The following PNPLA7 variants were observed in gnomAD, a reference collection of about 807,000 sequenced individuals.
PNPLA7 encodes the protein patatin like domain 7, lysophospholipase.
In PNPLA7, 153 loss-of-function variants were observed where a neutral mutation model predicts 161.7. The ratio of observed to expected loss-of-function variants is 0.95; its 90% CI spans 0.83 to 1.08. The LOEUF (loss-of-function observed/expected upper bound fraction) is 1.08. PNPLA7 is among the 50% of genes least tolerant of loss of function. PNPLA7 has a pLI of 0.00. For missense variants in PNPLA7, 1,739 were observed against 1,856.6 expected (o/e 0.94, Z 1.16); for synonymous variants, 809 against 782.1 (o/e 1.03, Z -0.57).
intron 1 of PNPLA7, among the ~76,000 whole-genome samples, chr9:137,549,268 G>A (rs1386537956): frequency 6.6e-6 from 1 of 151,674 alleles, no homozygotes; most frequent in Non-Finnish European, 1.5e-5. Flanking sequence ...AGATCATGAG[G>A]TCAAGAGTTC....
rs536899903 is a variant in PNPLA7 at position 137,466,247 on chromosome 9, A to C, written c.3039+1070T>G. Among the ~76,000 whole-genome samples, 27 of 152,296 alleles carry C rather than the reference A, an allele frequency of 1.8e-4. No individual in the cohort carries two copies. In the South Asian group the frequency reaches 4.6e-3, roughly 26 times the overall value. ...GCCTCTTATTCCCAGGGGCTGTAAC[A>C]GTCAGCTTCTTTTCCACAATCCTGG... On this transcript the variant is annotated intron_variant, in intron 26 of 34. Transcript: ENST00000406427.
At chr9:137,519,796 C>T in intron 11 of PNPLA7, 121 bp downstream of exon 11, 1 of 1,340,162 alleles carries the variant, frequency 7.5e-7, no homozygotes, top group Non-Finnish European at 1.0e-6. Flanking sequence ...GTGAGGTGAC[C>T]CGGGGATGTG....
At chr9:137,466,216 C>T (rs1831454256) in intron 26 of PNPLA7, among the ~76,000 whole-genome samples, 1 of 152,216 alleles carries the variant, frequency 6.6e-6, no homozygotes, top group African/African-American at 2.4e-5. Context: ...CCCATGGAGG[C>T]TCCATGCCTC....
chr9:137,462,645 G>A (rs746090822), intron 30 of PNPLA7, 40 bp downstream of exon 30: 5 of 1,606,028 alleles, frequency 3.1e-6, no homozygotes, highest in Admixed American at 1.7e-5. Flanking sequence ...CTGCAGGGAG[G>A]AGCAGCAGGG....
rs375701021 is a variant in PNPLA7, at chr9:137,498,737, G to A, written c.1758-492C>T. Among the ~76,000 whole-genome samples the A allele has an allele frequency of 5.3e-4, 81 of 152,266 alleles. 1 individual carries two copies. The highest frequency in any genetic ancestry group is 3.4e-3 in the Middle Eastern group (1 of 294). ...ACCCGGGGAACACTGTTCTCTCCCC[G>A]GTGGTCGTGTGTGGACAGACTGTCG... On this transcript the variant is annotated intron_variant, in intron 16 of 34. Coordinates refer to ENST00000406427, the MANE Select transcript of PNPLA7 (RefSeq NM_001098537.3).
chr9:137,536,269 G>A (rs538566052), intron 8 of PNPLA7, among the ~76,000 whole-genome samples: 1 of 152,226 alleles, frequency 6.6e-6, no homozygotes, highest in African/African-American at 2.4e-5. Context: ...CCTGTCTCAG[G>A]AAGTGAATGG....
chr9:137,501,724 A>T lies in PNPLA7; in HGVS notation c.1477T>A (p.Ser493Thr). The T allele has an allele frequency of 2.5e-6, 4 of 1,612,460 alleles. No individual in the cohort carries two copies. Among genetic ancestry groups the T allele is most frequent in the Non-Finnish European group, 3.4e-6 (4 of 1,179,794 alleles). Residue 493 changes from serine to threonine, a missense_variant, in exon 15 of 35, where the codon TCA becomes ACA. By Grantham distance (58) the Ser-to-Thr change is moderately conservative. Coordinates refer to ENST00000406427, the MANE Select transcript of PNPLA7 (RefSeq NM_001098537.3). ...GCCACCCGGCCATCCAACAGAGATG[A>T]GTCCTAAAAACAGAGCAGACTTCAG... is the stretch of plus-strand genomic sequence containing the variant. ...DLLTLMKLED[S>T]SLLDGRVALL...
Position 137,525,187 on chromosome 9 carries a change from C to T in PNPLA7, c.748-2330G>A, listed in dbSNP as rs191378499. ...CTAGACATCGAGTTGGATCACACAG[C>T]CAAAGTTCAGGCAAACGTCCCTGGG... On this transcript the variant is annotated intron_variant, in intron 8 of 34. Coordinates refer to ENST00000406427, the MANE Select transcript of PNPLA7 (RefSeq NM_001098537.3). 1.5e-3 allele frequency among the ~76,000 whole-genome samples: 224 copies of T among 152,312 alleles called. 1 individual carries two copies. Among genetic ancestry groups the T allele is most frequent in the Admixed American group, 4.5e-3 (69 of 15,306 alleles).
At chr9:137,493,629 C>G (rs114186593) in intron 19 of PNPLA7, among the ~76,000 whole-genome samples, 2 of 152,258 alleles carry the variant, frequency 1.3e-5, no homozygotes, top group African/African-American at 4.8e-5. Flanking sequence ...CCCACAACAG[C>G]GGACCCACTG....
intron 8 of PNPLA7, among the ~76,000 whole-genome samples, chr9:137,525,488 G>A (rs998687691): frequency 1.1e-4 from 17 of 152,216 alleles, no homozygotes; most frequent in Non-Finnish European, 2.1e-4. Context: ...GGTCACGTGA[G>A]TCACGTGTCC....
rs2132088465 is a variant in PNPLA7, at chr9:137,468,798, A to C, written c.2883-1325T>G. Among the ~76,000 whole-genome samples the C allele has an allele frequency of 6.6e-6, 1 of 152,164 alleles. No homozygotes were observed. Among genetic ancestry groups the C allele is most frequent in the East Asian group, 1.9e-4 (1 of 5,186 alleles). On this transcript the variant is annotated intron_variant, in intron 25 of 34. Coordinates refer to ENST00000406427, the MANE Select transcript of PNPLA7 (RefSeq NM_001098537.3). The surrounding 1 kb of genome is among the most constrained non-coding windows in gnomAD (Gnocchi z 4.0). ...TTGTTCATTTCACGACATTGTAACA[A>C]CATTGTATCATTAATTATATTAATA...
intron 1 of PNPLA7, among the ~76,000 whole-genome samples, chr9:137,548,164 CGGGA>C (rs1368468675): frequency 6.6e-6 from 1 of 152,038 alleles, no homozygotes; most frequent in Admixed American, 6.6e-5. Flanking sequence ...TCCAGGTCCG[CGGGA>C]GGGAGGGAAG....
At chr9:137,497,068 C>A in intron 18 of PNPLA7, 119 bp downstream of exon 18, 1 of 1,255,278 alleles carries the variant, frequency 8.0e-7, no homozygotes, top group African/African-American at 1.6e-5. Flanking sequence ...TCACTACTAC[C>A]ATCCACTCCT....
rs536654368 is a variant in PNPLA7, at chr9:137,499,381, G to T, written c.1758-1136C>A. Among the ~76,000 whole-genome samples, 16 of 152,248 alleles carry T rather than the reference G, an allele frequency of 1.1e-4. No individual in the cohort carries two copies. The South Asian group carries it at 1.7e-3, about 16-fold the overall frequency. On this transcript the variant is annotated intron_variant, in intron 16 of 34. Transcript: ENST00000406427. The surrounding 1 kb of genome is among the most constrained non-coding windows in gnomAD (Gnocchi z 5.5). ...CACAGATAGACACACAGCACGGGGG[G>T]ACTGAGCTGCATTAAGGCTGAGGGC... is the stretch of plus-strand genomic sequence containing the variant.
Position 137,515,464 on chromosome 9 carries a change from G to T in PNPLA7, c.1140C>A (p.Ser380=). The change falls in exon 12 of 35, where the codon TCC becomes TCA. Residue 380 remains serine, a synonymous_variant. Transcript: ENST00000406427. ...GTTTGCGAATGGAAGGCGCGGGGACGGAGTGGCTCCTCTTCAGCAGGGGCC... is the reference window on the plus strand; with the variant it reads ...GTTTGCGAATGGAAGGCGCGGGGACTGAGTGGCTCCTCTTCAGCAGGGGCC... ...AAGPLLKRSH[S]VPAPSIRKQI... 1.9e-6 allele frequency: 3 copies of T among 1,587,654 alleles called. No individual in the cohort carries two copies. Among genetic ancestry groups the T allele is most frequent in the Non-Finnish European group, 1.7e-6 (2 of 1,168,758 alleles).
rs566106932 is a variant in PNPLA7 at position 137,536,247 on chromosome 9, C to G, written c.747+4395G>C. On this transcript the variant is annotated intron_variant, in intron 8 of 34. Transcript: ENST00000406427. ...GATTTCTAAGGTTTCCAAACATACACCTCCCTGGCATCCTGTCTCAGGAAG... is the reference window on the plus strand; with the variant it reads ...GATTTCTAAGGTTTCCAAACATACAGCTCCCTGGCATCCTGTCTCAGGAAG... 1.7e-4 allele frequency among the ~76,000 whole-genome samples: 26 copies of G among 152,174 alleles called. 1 individual carries two copies. The highest frequency in any genetic ancestry group is 2.9e-5 in the Non-Finnish European group (2 of 68,016).
chr9:137,533,133 C>T (rs1386538721), intron 8 of PNPLA7, among the ~76,000 whole-genome samples: 2 of 150,234 alleles, frequency 1.3e-5, no homozygotes, highest in Admixed American at 6.6e-5. Flanking sequence ...TCCTCCCCAA[C>T]AGTGTCCACT....
intron 12 of PNPLA7, among the ~76,000 whole-genome samples, chr9:137,506,813 C>G (rs1355135374): frequency 6.6e-6 from 1 of 152,268 alleles, no homozygotes; most frequent in Non-Finnish European, 1.5e-5. Context: ...CTTTGCACGA[C>G]GGGGTCACGC....
intron 12 of PNPLA7, among the ~76,000 whole-genome samples, chr9:137,507,971 G>A (rs79626304): frequency 6.6e-6 from 1 of 152,056 alleles, no homozygotes; most frequent in East Asian, 1.9e-4. Flanking sequence ...GGTGGAGGCA[G>A]CGCTTGAGGC....
Sources: allele counts gnomAD v4.1 joint callset (sites outside exome capture counted in the v4.1 genomes callset), GRCh38; gene constraint gnomAD v4.1.1; non-coding constraint Gnocchi (gnomAD v3.1); transcripts MANE v1.5; gene names NCBI Gene and HGNC (gene_info 2026-07-23, HGNC 2026-07-21).